The following PRPF40B variants were observed in gnomAD, a reference collection of about 807,000 sequenced individuals.
The protein encoded by PRPF40B is pre-mRNA processing factor 40B, also known as pre-mRNA-processing factor 40 homolog B.
PRPF40B carries 56 observed loss-of-function variants against 124.5 expected under a neutral mutation model. That is an observed-to-expected ratio of 0.45 (90% CI 0.36 to 0.56). The LOEUF (loss-of-function observed/expected upper bound fraction) is 0.56. Among genes scored for constraint, PRPF40B ranks in the 20% least tolerant of loss-of-function variants. PRPF40B has a pLI of 0.00. For missense variants in PRPF40B, 1,053 were observed against 1,169.5 expected (o/e 0.90, Z 1.45); for synonymous variants, 443 against 426.4 (o/e 1.04, Z -0.48).
rs1395953540 is a variant in PRPF40B at position 49,635,553 on chromosome 12, A to G, written c.1275+80A>G. ...CTTTGCTTTGTTATGGACCCTCGCC[A>G]TTTACTTCTCTACTTCCCCAGTGTC... On this transcript the variant is annotated intron_variant, in intron 14 of 25. Coordinates refer to ENST00000548825, the MANE Select transcript of PRPF40B (RefSeq NM_001031698.3). This position sits in a 1 kb window ranked among gnomAD's most constrained non-coding sequence, Gnocchi z 4.1. 5 of 1,344,776 alleles carry G rather than the reference A, an allele frequency of 3.7e-6. No individual in the cohort carries two copies. In the African/African-American group the frequency reaches 4.4e-5, roughly 12 times the overall value. 83.3% of individuals were successfully genotyped at this position (1,344,776 alleles called of 1,614,324 possible).
Position 49,644,358 on chromosome 12 carries a change from G to A in PRPF40B, c.*166G>A, listed in dbSNP as rs1943059938. On this transcript the variant is annotated 3_prime_UTR_variant, in exon 26 of 26. Transcript: ENST00000548825. ...GGCACCTCTCAAGGTTGCTCTTGGT[G>A]TTCAAGGGTCCCCTACTCCCTGGAC... 4 of 767,662 alleles carry A rather than the reference G, an allele frequency of 5.2e-6. No homozygotes were observed. The highest frequency in any genetic ancestry group is 1.7e-5 in the South Asian group (1 of 59,320). 47.6% of individuals were successfully genotyped at this position (767,662 alleles called of 1,614,324 possible). A position where few individuals can be genotyped will look rare whatever the true frequency, so the allele number is the denominator to read the frequency against.
At chr12:49,632,922 A>G in intron 6 of PRPF40B, 42 bp downstream of exon 6, 1 of 1,612,498 alleles carries the variant, frequency 6.2e-7, no homozygotes, top group Non-Finnish European at 8.5e-7. Context: ...AGAAAGCCTG[A>G]GAGTGGGGGA....
At position 49,644,177 on chromosome 12, in the gene PRPF40B, G is replaced by A; in HGVS notation, c.2664G>A (p.Leu888=). 2 of 1,614,038 alleles carry A rather than the reference G, an allele frequency of 1.2e-6. No individual in the cohort carries two copies. The highest frequency in any genetic ancestry group is 1.7e-6 in the Non-Finnish European group (2 of 1,180,022). Residue 888 remains leucine (L), a synonymous_variant, in exon 26 of 26, where the codon CTG becomes CTA. Coordinates refer to ENST00000548825, the MANE Select transcript of PRPF40B (RefSeq NM_001031698.3). ...ERRRRTLLQQ[L]DDHQ ...GGCGGCGGACACTCCTACAGCAGCTGGATGATCACCAGTGACCCAATGAGC... is the reference window on the plus strand; with the variant it reads ...GGCGGCGGACACTCCTACAGCAGCTAGATGATCACCAGTGACCCAATGAGC...
chr12:49,637,967 G>T, intron 18 of PRPF40B, 143 bp downstream of exon 18: 1 of 650,894 alleles, frequency 1.5e-6, no homozygotes, highest in Non-Finnish European at 2.7e-6. Flanking sequence ...CTGCACACTA[G>T]GGATACAGTA....
chr12:49,634,472 C>CG lies in PRPF40B; in HGVS notation c.936+17_936+18insG. 1 of 1,614,128 alleles carries CG rather than the reference C, an allele frequency of 6.2e-7. No individual in the cohort carries two copies. Among genetic ancestry groups the CG allele is most frequent in the Non-Finnish European group, 8.5e-7 (1 of 1,179,960 alleles). ...AGGGACAAGGTGCTGGAGTGGGGCT[C>CG]CCAGGGAAGGTTTGGAGGGGGCTGG... On this transcript the variant is annotated intron_variant, in intron 11 of 25. Coordinates refer to ENST00000548825, the MANE Select transcript of PRPF40B (RefSeq NM_001031698.3).
chr12:49,632,728 C>A, intron 5 of PRPF40B, 105 bp downstream of exon 5: 1 of 1,592,680 alleles, frequency 6.3e-7, no homozygotes, highest in South Asian at 1.1e-5. Context: ...TGTTGGGATG[C>A]CAAGGAGTCT....
In PRPF40B at chr12:49,642,104, GACTATAT is replaced by G; in HGVS notation, c.1884+81_1884+87del. On this transcript the variant is annotated intron_variant, in intron 19 of 25. Coordinates refer to ENST00000548825, the MANE Select transcript of PRPF40B (RefSeq NM_001031698.3). The surrounding 1 kb of genome is among the most constrained non-coding windows in gnomAD (Gnocchi z 5.8). Reference sequence around the variant, plus strand: ...ATTCCTTCTCACTCACTGTCCCACTGACTATATTCCCAATTCAGGGGATGGTGGTAGA... The same window carrying G: ...ATTCCTTCTCACTCACTGTCCCACTGTCCCAATTCAGGGGATGGTGGTAGA... The G allele has an allele frequency of 6.2e-7, 1 of 1,603,816 alleles. No homozygotes were observed. Among genetic ancestry groups the G allele is most frequent in the Non-Finnish European group, 8.5e-7 (1 of 1,173,108 alleles).
intron 1 of PRPF40B, among the ~76,000 whole-genome samples, chr12:49,627,478 G>A (rs1231219513): frequency 6.6e-6 from 1 of 152,092 alleles, no homozygotes; most frequent in Non-Finnish European, 1.5e-5. Context: ...TAGTAGGCAA[G>A]GTGTGTGGGG....
At chr12:49,634,186 G>A in intron 10 of PRPF40B, 94 bp downstream of exon 10, 1 of 1,574,086 alleles carries the variant, frequency 6.4e-7, no homozygotes, top group Non-Finnish European at 8.6e-7. Flanking sequence ...TCTCAGGAGG[G>A]GTTTGAAGAT....
Position 49,632,880 on chromosome 12 carries a change from G to C in PRPF40B, c.348G>C (p.Pro116=). 1 of 1,613,684 alleles carries C rather than the reference G, an allele frequency of 6.2e-7. No homozygotes were observed. Among genetic ancestry groups the C allele is most frequent in the East Asian group, 2.2e-5 (1 of 44,880 alleles). The change falls in exon 6 of 26, where the codon CCG becomes CCC. Residue 116 remains proline, a splice_region_variant and synonymous_variant. Transcript: ENST00000548825. ...ASSAVAGTGP[P]RALWSEHVAP... ...CTGCTGTGGCTGGGACAGGCCCTCC[G>C]GTGAGTTCTTCCAGCTCAGGGGTCT... is the stretch of plus-strand genomic sequence containing the variant.
At chr12:49,640,387 C>T (rs1015618263) in intron 18 of PRPF40B, 15 of 152,200 alleles carry the variant, frequency 9.9e-5, no homozygotes, top group African/African-American at 3.6e-4. Context: ...TTCTCAGGAA[C>T]ATGCATATGC....
intron 12 of PRPF40B, 159 bp from the exon 13 acceptor site, chr12:49,634,940 C>T: frequency 2.5e-6 from 2 of 787,116 alleles, no homozygotes; most frequent in Non-Finnish European, 3.9e-6. Flanking sequence ...CCCTCACTTC[C>T]TGTCACCCCT....
At position 49,642,851 on chromosome 12, in the gene PRPF40B, A is replaced by G; in HGVS notation, c.2119-79A>G. On this transcript the variant is annotated intron_variant, in intron 21 of 25. Transcript: ENST00000548825. The surrounding 1 kb of genome is among the most constrained non-coding windows in gnomAD (Gnocchi z 5.8). Reference sequence around the variant, plus strand: ...GCTCTAGTCTGAGAAAGGGAGGCAAAGCCAGATTTTAGGAAGTAGGATCCT... The same window carrying G: ...GCTCTAGTCTGAGAAAGGGAGGCAAGGCCAGATTTTAGGAAGTAGGATCCT... The G allele has an allele frequency of 2.0e-6, 3 of 1,510,786 alleles. No individual in the cohort carries two copies. Among genetic ancestry groups the G allele is most frequent in the African/African-American group, 2.8e-5 (2 of 72,322 alleles). The allele number at this position is 1,510,786 out of a possible 1,614,324, so 93.6% of individuals were successfully genotyped here.
intron 1 of PRPF40B, chr12:49,624,111 C>G: frequency 4.1e-6 from 4 of 986,122 alleles, no homozygotes; most frequent in Non-Finnish European, 3.6e-6. Flanking sequence ...GAGGGGGCCT[C>G]TGAAGAAAGG....
At position 49,642,782 on chromosome 12, in the gene PRPF40B, A is replaced by T. The variant is rs1942848763; in HGVS notation, c.2118+107A>T. On this transcript the variant is annotated intron_variant, in intron 21 of 25. Coordinates refer to ENST00000548825, the MANE Select transcript of PRPF40B (RefSeq NM_001031698.3). This position sits in a 1 kb window ranked among gnomAD's most constrained non-coding sequence, Gnocchi z 5.8. ...TCTTACCCTTAGGGCACTCCTGGCCAGCTAAGGAAGGGGAGGCCTGAGGAT... is the reference window on the plus strand; with the variant it reads ...TCTTACCCTTAGGGCACTCCTGGCCTGCTAAGGAAGGGGAGGCCTGAGGAT... 7.0e-7 allele frequency: 1 copy of T among 1,437,364 alleles called. No individual in the cohort carries two copies. The allele number at this position is 1,437,364 out of a possible 1,614,324, so 89.0% of individuals were successfully genotyped here. A position where few individuals can be genotyped will look rare whatever the true frequency, so the allele number is the denominator to read the frequency against.
chr12:49,643,003 C>A lies in PRPF40B; in HGVS notation c.2192C>A (p.Ser731Tyr), dbSNP rs1283528116. 6.2e-7 allele frequency: 1 copy of A among 1,613,722 alleles called. No individual in the cohort carries two copies. The highest frequency in any genetic ancestry group is 1.7e-5 in the Admixed American group (1 of 59,970). ...GGCAAGAAGCACCATCACAAGCGTT[C>A]CCACTCACCCTCAGTGAGTAAGCGT... is the stretch of plus-strand genomic sequence containing the variant. ...RKGKKHHHKR[S>Y]HSPSGSESEE... Residue 731 changes from serine to tyrosine, a missense_variant, in exon 22 of 26, where the codon TCC (serine) becomes TAC (tyrosine). This residue lies in a region of PRPF40B where 895 missense variants were observed against 1,052.2 expected (regional missense o/e 0.85). Coordinates refer to ENST00000548825, the MANE Select transcript of PRPF40B (RefSeq NM_001031698.3).
Position 49,633,642 on chromosome 12 carries a change from G to A in PRPF40B, c.586G>A (p.Val196Ile). ...PKDLDDLEVL[V>I]KQEAAGKQQQ... is the part of the protein sequence containing the mutation. ...GTTATCTTTTCCCATCACAGTTCTAGTCAAACAAGAGGCTGCAGGGTGAGT... is the reference window on the plus strand; with the variant it reads ...GTTATCTTTTCCCATCACAGTTCTAATCAAACAAGAGGCTGCAGGGTGAGT... The change falls in exon 9 of 26, where the codon GTC (valine) becomes ATC (isoleucine). Residue 196 changes from valine (V) to isoleucine (I), a missense_variant. By Grantham distance (29) the Val-to-Ile change is conservative. Around this residue, in one of 2 missense-constraint regions of PRPF40B, gnomAD observed 895 missense variants for 1,052.2 expected, o/e 0.85. Transcript: ENST00000548825. The A allele has an allele frequency of 1.2e-6, 2 of 1,614,216 alleles. No homozygotes were observed. Among genetic ancestry groups the A allele is most frequent in the African/African-American group, 1.3e-5 (1 of 75,054 alleles).
At position 49,634,018 on chromosome 12, in the gene PRPF40B, A is replaced by T; in HGVS notation, c.738A>T (p.Glu246Asp). ...GLLEPEPGGS[E>D]DCDVLEATQP... ...TGGAACCTGAGCCAGGTGGGAGTGA[A>T]GATTGTGATGTGTTGGAGGCCACCC... is the stretch of plus-strand genomic sequence containing the variant. Residue 246 changes from glutamate to aspartate, a missense_variant, in exon 10 of 26, where the codon GAA becomes GAT. Physicochemically the swap from Glu to Asp is conservative, Grantham distance 45 (BLOSUM62 2). Transcript: ENST00000548825. 1 of 1,614,102 alleles carries T rather than the reference A, an allele frequency of 6.2e-7. No individual in the cohort carries two copies. The highest frequency in any genetic ancestry group is 8.5e-7 in the Non-Finnish European group (1 of 1,179,982).
intron 1 of PRPF40B, among the ~76,000 whole-genome samples, chr12:49,628,984 G>A (rs577064208): frequency 6.6e-5 from 10 of 152,332 alleles, no homozygotes; most frequent in South Asian, 2.1e-4. Context: ...ACCTTTCCCC[G>A]GGATTCCTCC....
Sources: allele counts gnomAD v4.1 joint callset (sites outside exome capture counted in the v4.1 genomes callset), GRCh38; gene constraint gnomAD v4.1.1; regional missense constraint gnomAD v4.1.1; non-coding constraint Gnocchi (gnomAD v3.1); transcripts MANE v1.5; gene names NCBI Gene and HGNC (gene_info 2026-07-23, HGNC 2026-07-21).